The following MRPS31 variants were observed in gnomAD, a reference collection of about 807,000 sequenced individuals.
MRPS31 encodes mitochondrial ribosomal protein S31, also known as small ribosomal subunit protein mS31.
In MRPS31, 32 loss-of-function variants were observed where a neutral mutation model predicts 43.1. The ratio of observed to expected loss-of-function variants is 0.74; its 90% CI spans 0.56 to 1.00. The LOEUF is 1.00. MRPS31 is among the 50% of genes least tolerant of loss of function. The pLI, the probability that MRPS31 is intolerant of heterozygous loss-of-function variation, is 0.00. For synonymous variants in MRPS31, 165 were observed against 161.6 expected (o/e 1.02, Z -0.16); for missense variants, 437 against 466.7 (o/e 0.94, Z 0.59).
Position 40,758,997 on chromosome 13 carries a change from G to C in MRPS31, c.550C>G (p.His184Asp). The C allele has an allele frequency of 6.2e-7, 1 of 1,608,404 alleles. No homozygotes were observed. Among genetic ancestry groups the C allele is most frequent in the South Asian group, 1.1e-5 (1 of 89,810 alleles). ...CTCTGTGCCCTTGACTCTTCCTCATGCTGCTGGAGCTGGCTCAGCAGCTCT... is the reference window on the plus strand; with the variant it reads ...CTCTGTGCCCTTGACTCTTCCTCATCCTGCTGGAGCTGGCTCAGCAGCTCT... The part of the protein sequence containing the change: ...KSELLSQLQQ[H>D]EEESRAQRDA... Residue 184 changes from histidine to aspartate, a missense_variant, in exon 3 of 7, where the codon CAT (histidine) becomes GAT (aspartate). Coordinates refer to ENST00000323563, the MANE Select transcript of MRPS31 (RefSeq NM_005830.4).
intron 6 of MRPS31, among the ~76,000 whole-genome samples, chr13:40,744,592 C>T (rs1046722791): frequency 1.3e-5 from 2 of 152,176 alleles, no homozygotes; most frequent in Admixed American, 1.3e-4. Context: ...GATAGAGTCG[C>T]GCTCTGTAGC....
At chr13:40,747,024 C>T (rs1178887858) in intron 6 of MRPS31, among the ~76,000 whole-genome samples, 1 of 152,028 alleles carries the variant, frequency 6.6e-6, no homozygotes, top group Non-Finnish European at 1.5e-5. Context: ...TATGCTTCAC[C>T]GACTCTCCTG....
intron 6 of MRPS31, among the ~76,000 whole-genome samples, chr13:40,738,274 T>G (rs1410051523): frequency 4.6e-5 from 7 of 151,916 alleles, no homozygotes; most frequent in Admixed American, 2.6e-4. Context: ...AATAACAGGA[T>G]CTGAAATTGT....
At chr13:40,755,719 T>C (rs943128189) in intron 4 of MRPS31, among the ~76,000 whole-genome samples, 3 of 152,220 alleles carry the variant, frequency 2.0e-5, no homozygotes, top group Non-Finnish European at 4.4e-5. Context: ...TACTCACCTC[T>C]GGCTGGCTTT....
In MRPS31 at chr13:40,744,885, A is replaced by G. The variant is rs7985810; in HGVS notation, c.958+4253T>C. The stretch of plus-strand genomic sequence containing the variant: ...CACCTCGGCCTCCCAAAGTGCTGGG[A>G]TTACAGGCATGAGCCACTGCACCCA... On this transcript the variant is annotated intron_variant, in intron 6 of 6. Coordinates refer to ENST00000323563, the MANE Select transcript of MRPS31 (RefSeq NM_005830.4). Among the ~76,000 whole-genome samples, 581 of 152,130 alleles carry G rather than the reference A, an allele frequency of 3.8e-3. 4 individuals carry two copies. The highest frequency in any genetic ancestry group is 0.012 in the African/African-American group (497 of 41,474).
chr13:40,735,441 G>GGCCT (rs1879864475), intron 6 of MRPS31, among the ~76,000 whole-genome samples: 1 of 152,198 alleles, frequency 6.6e-6, no homozygotes, highest in South Asian at 2.1e-4. Flanking sequence ...AGCTCAAGGA[G>GGCCT]GCCTGCCTGC....
intron 4 of MRPS31, among the ~76,000 whole-genome samples, chr13:40,754,558 TG>T (rs1880476502): frequency 6.6e-6 from 1 of 152,234 alleles, no homozygotes; most frequent in South Asian, 2.1e-4. Context: ...GCAATCATTC[TG>T]TATTTTAAAA....
At chr13:40,768,154 C>T (rs995642410) in intron 1 of MRPS31, among the ~76,000 whole-genome samples, 3 of 152,134 alleles carry the variant, frequency 2.0e-5, no homozygotes, top group Non-Finnish European at 4.4e-5. Flanking sequence ...TATTTGACTA[C>T]TGAAGAATTT....
intron 6 of MRPS31, among the ~76,000 whole-genome samples, chr13:40,731,983 A>G (rs1344173470): frequency 1.3e-5 from 2 of 152,254 alleles, no homozygotes; most frequent in Non-Finnish European, 2.9e-5. Flanking sequence ...AGGAAAAAAA[A>G]AGAGAGCAAT....
chr13:40,766,074 T>C (rs1880835874), intron 2 of MRPS31, among the ~76,000 whole-genome samples: 1 of 152,188 alleles, frequency 6.6e-6, no homozygotes, highest in African/African-American at 2.4e-5. Flanking sequence ...AGCAAGTCCT[T>C]TACAGACATT....
In MRPS31 at chr13:40,758,996, T is replaced by C. The variant is rs137895732; in HGVS notation, c.551A>G (p.His184Arg). Residue 184 changes from histidine (H) to arginine (R), a missense_variant, in exon 3 of 7, where the codon CAT (histidine) becomes CGT (arginine). Physicochemically the swap from His to Arg is conservative, Grantham distance 29. Coordinates refer to ENST00000323563, the MANE Select transcript of MRPS31 (RefSeq NM_005830.4). ...KSELLSQLQQ[H>R]EEESRAQRDA... The stretch of plus-strand genomic sequence containing the variant: ...TCTCTGTGCCCTTGACTCTTCCTCA[T>C]GCTGCTGGAGCTGGCTCAGCAGCTC... The C allele has an allele frequency of 1.2e-6, 2 of 1,609,260 alleles. No individual in the cohort carries two copies. Among genetic ancestry groups the C allele is most frequent in the South Asian group, 1.1e-5 (1 of 89,952 alleles).
chr13:40,758,929 A>C lies in MRPS31; in HGVS notation c.599+19T>G. 6.5e-7 allele frequency: 1 copy of C among 1,547,474 alleles called. No individual in the cohort carries two copies. ...TTTGAGATATAAACATTACTGACTT[A>C]AGGGTTTGATTCACTCACCTAATTT... On this transcript the variant is annotated intron_variant, in intron 3 of 6. Transcript: ENST00000323563.
chr13:40,741,942 C>G (rs1880110715), intron 6 of MRPS31, among the ~76,000 whole-genome samples: 1 of 146,628 alleles, frequency 6.8e-6, no homozygotes, highest in Non-Finnish European at 1.5e-5. Context: ...CACTGCAGGA[C>G]AATATATGTA....
chr13:40,740,542 T>G (rs1360511053), intron 6 of MRPS31, among the ~76,000 whole-genome samples: 1 of 137,610 alleles, frequency 7.3e-6, no homozygotes, highest in Non-Finnish European at 1.5e-5. Context: ...AACCCAAATG[T>G]CCAACAATGA....
At chr13:40,755,689 G>A (rs530329949) in intron 4 of MRPS31, among the ~76,000 whole-genome samples, 37 of 152,094 alleles carry the variant, frequency 2.4e-4, no homozygotes, top group African/African-American at 6.8e-4. Context: ...AAAACTTGGC[G>A]TCTCACCATT....
intron 2 of MRPS31, among the ~76,000 whole-genome samples, chr13:40,762,647 G>A (rs1227277243): frequency 2.6e-5 from 4 of 151,740 alleles, no homozygotes; most frequent in African/African-American, 4.8e-5. Flanking sequence ...TGTTGGCAGG[G>A]CTGGTCTTAA....
At chr13:40,763,482 C>T (rs1340693527) in intron 2 of MRPS31, among the ~76,000 whole-genome samples, 2 of 152,134 alleles carry the variant, frequency 1.3e-5, no homozygotes, top group African/African-American at 2.4e-5. Flanking sequence ...ATGGTATCCC[C>T]ATCAGGTACC....
intron 2 of MRPS31, among the ~76,000 whole-genome samples, 157 bp from the exon 3 acceptor site, chr13:40,759,263 C>A (rs1362661983): frequency 6.6e-6 from 1 of 152,072 alleles, no homozygotes; most frequent in Non-Finnish European, 1.5e-5. Context: ...ATGGTGAAAC[C>A]CCATTTCTAC....
chr13:40,759,935 G>C (rs1222186552), intron 2 of MRPS31, among the ~76,000 whole-genome samples: 1 of 152,022 alleles, frequency 6.6e-6, no homozygotes, highest in Non-Finnish European at 1.5e-5. Context: ...ACTTTCACAG[G>C]CATTAGATCA....
Sources: allele counts gnomAD v4.1 joint callset (sites outside exome capture counted in the v4.1 genomes callset), GRCh38; gene constraint gnomAD v4.1.1; transcripts MANE v1.5; gene names NCBI Gene and HGNC (gene_info 2026-07-23, HGNC 2026-07-21).